The following INTS1 variants were observed in gnomAD, a reference collection of about 807,000 sequenced individuals.
INTS1 encodes the protein integrator complex subunit 1.
INTS1 carries 137 observed loss-of-function variants against 241.6 expected under a neutral mutation model. The observed-to-expected ratio is 0.57, with a 90% CI of 0.49 to 0.65. INTS1 has a LOEUF of 0.65. Ranked by LOEUF, INTS1 falls within the 30% of genes least tolerant of loss-of-function variation. The pLI, the probability that INTS1 is intolerant of heterozygous loss-of-function variation, is 0.00. For missense variants in INTS1, 3,073 were observed against 3,032.2 expected, an observed-to-expected ratio of 1.01 and a Z score of -0.32; for synonymous variants, 1,692 against 1,337.8, an observed-to-expected ratio of 1.26 and a Z score of -5.78.
intron 35 of INTS1, 63 bp from the exon 36 acceptor site, chr7:1,476,981 C>T (rs1216924684): frequency 1.3e-6 from 2 of 1,543,238 alleles, no homozygotes; most frequent in Non-Finnish European, 1.7e-6. Context: ...CTGCTGAAGT[C>T]AGCTGACAGC....
At position 1,493,505 on chromosome 7, in the gene INTS1, T is replaced by G. The variant is rs186598479; in HGVS notation, c.2068+249A>C. Among the ~76,000 whole-genome samples, 1 of 151,614 alleles carries G rather than the reference T, an allele frequency of 6.6e-6. No homozygotes were observed. The highest frequency in any genetic ancestry group is 2.1e-4 in the South Asian group (1 of 4,788). On this transcript the variant is annotated intron_variant, in intron 15 of 47. Coordinates refer to ENST00000404767, the MANE Select transcript of INTS1 (RefSeq NM_001080453.3). This position sits in a 1 kb window ranked among gnomAD's most constrained non-coding sequence, Gnocchi z 5.3. ...GGCCGTGGCCAAATCACACCGAGAATGCCAATTCCAAAAAATGTGCAAATT... is the reference window on the plus strand; with the variant it reads ...GGCCGTGGCCAAATCACACCGAGAAGGCCAATTCCAAAAAATGTGCAAATT...
Position 1,470,320 on chromosome 7 carries a change from C to T in INTS1, c.*257G>A, listed in dbSNP as rs1045852710. The T allele has an allele frequency of 3.6e-5, 17 of 469,888 alleles. No homozygotes were observed. The Middle Eastern group carries it at 2.2e-3, about 60-fold the overall frequency. The allele number at this position is 469,888 out of a possible 1,614,324, so 29.1% of individuals were successfully genotyped here. A position where few individuals can be genotyped will look rare whatever the true frequency, so the allele number is the denominator to read the frequency against. On this transcript the variant is annotated 3_prime_UTR_variant, in exon 48 of 48. Coordinates refer to ENST00000404767, the MANE Select transcript of INTS1 (RefSeq NM_001080453.3). ...ATTCAAAACCAGCCCAGGCCATGCC[C>T]GGGGGGATCCGCCGCTCCGCGGCAG...
intron 31 of INTS1, 24 bp downstream of exon 31, chr7:1,479,406 C>T (rs547066674): frequency 1.7e-5 from 27 of 1,556,056 alleles, no homozygotes; most frequent in South Asian, 3.6e-5. Flanking sequence ...CCTCCTCCCC[C>T]GCAAGAGGCC....
At position 1,496,222 on chromosome 7, in the gene INTS1, T is replaced by A. The variant is rs1030646527; in HGVS notation, c.1645A>T (p.Met549Leu). ...VHITDVLAVS[M>L]MLGITAQVKE... is the part of the protein sequence containing the mutation. ...ACCTGCGCTGTGATGCCCAGCATCA[T>A]GGACACGGCCAGGACGTCGGTGATG... Residue 549 changes from methionine (M) to leucine (L), a missense_variant, in exon 12 of 48, where the codon ATG becomes TTG. Transcript: ENST00000404767. 1.2e-6 allele frequency: 2 copies of A among 1,613,866 alleles called. No individual in the cohort carries two copies.
At position 1,497,174 on chromosome 7, in the gene INTS1, C is replaced by G. The variant is rs1295920274; in HGVS notation, c.1566G>C (p.Glu522Asp). ...FQAFCLGLMQERKEPQYLEME... is the reference protein window; with the variant it reads ...FQAFCLGLMQDRKEPQYLEME... ...TCTCCAGGTACTGCGGCTCCTTGCG[C>G]TCCTGCATGAGCCCCAGGCAGAAGG... The change falls in exon 11 of 48, where the codon GAG (glutamate) becomes GAC (aspartate). Residue 522 changes from glutamate (E) to aspartate (D), a missense_variant. By Grantham distance (45) the Glu-to-Asp change is conservative. Transcript: ENST00000404767. The surrounding 1 kb of genome is among the most constrained non-coding windows in gnomAD (Gnocchi z 5.3). 3 of 1,610,380 alleles carry G rather than the reference C, an allele frequency of 1.9e-6. No homozygotes were observed. The African/African-American group carries it at 4.0e-5, about 22-fold the overall frequency.
Position 1,483,989 on chromosome 7 carries a change from C to T in INTS1, c.3429+14G>A. On this transcript the variant is annotated intron_variant, in intron 25 of 47. Coordinates refer to ENST00000404767, the MANE Select transcript of INTS1 (RefSeq NM_001080453.3). Reference sequence around the variant, plus strand: ...TCCTCGCCCTCACCCGGCCGTAGACCTCCTCGCCCTCACCCAGCTGTAGAC... The same window carrying T: ...TCCTCGCCCTCACCCGGCCGTAGACTTCCTCGCCCTCACCCAGCTGTAGAC... 1 of 1,602,048 alleles carries T rather than the reference C, an allele frequency of 6.2e-7. No individual in the cohort carries two copies. The highest frequency in any genetic ancestry group is 8.5e-7 in the Non-Finnish European group (1 of 1,173,232).
intron 25 of INTS1, 67 bp from the exon 26 acceptor site, chr7:1,483,920 A>T: frequency 6.3e-7 from 1 of 1,586,504 alleles, no homozygotes; most frequent in South Asian, 1.1e-5. Flanking sequence ...GAGGGTACCC[A>T]GCTGGCACCG....
chr7:1,499,998 C>T lies in INTS1; in HGVS notation c.570G>A (p.Arg190=). The part of the protein sequence containing the change: ...VIEALCSLLR[R]DASINFKAKG... The stretch of plus-strand genomic sequence containing the variant: ...TGGCCTTGAAGTTGATGGAGGCGTC[C>T]CGCCGCAGGAGGCTACACAGAGCCT... Residue 190 remains arginine (R), a synonymous_variant, in exon 5 of 48, where the codon CGG becomes CGA. Transcript: ENST00000404767. 1 of 1,613,492 alleles carries T rather than the reference C, an allele frequency of 6.2e-7. No homozygotes were observed.
chr7:1,481,144 T>A lies in INTS1; in HGVS notation c.3850+198A>T. The stretch of plus-strand genomic sequence containing the variant: ...CCTAGGGGGTGCCTGGCCCCAGGGT[T>A]GGGGCAGGCCCAGGCCTCGGCTCCC... On this transcript the variant is annotated intron_variant, in intron 28 of 47. Transcript: ENST00000404767. This position sits in a 1 kb window ranked among gnomAD's most constrained non-coding sequence, Gnocchi z 6.8. 1 of 744,220 alleles carries A rather than the reference T, an allele frequency of 1.3e-6. No homozygotes were observed. The highest frequency in any genetic ancestry group is 2.3e-6 in the Non-Finnish European group (1 of 438,432). The allele number at this position is 744,220 out of a possible 1,614,324, so 46.1% of individuals were successfully genotyped here.
intron 35 of INTS1, 133 bp from the exon 36 acceptor site, chr7:1,477,051 G>A (rs568799641): frequency 1.6e-4 from 187 of 1,151,726 alleles, no homozygotes; most frequent in African/African-American, 1.5e-3. Flanking sequence ...CACCGGCCCC[G>A]TCATGGTGCT....
Position 1,470,643 on chromosome 7 carries a change from G to A in INTS1, c.6507C>T (p.Gly2169=). 1 of 1,586,420 alleles carries A rather than the reference G, an allele frequency of 6.3e-7. No individual in the cohort carries two copies. The change falls in exon 48 of 48, where the codon GGC becomes GGT. Residue 2169 remains glycine, a synonymous_variant. Coordinates refer to ENST00000404767, the MANE Select transcript of INTS1 (RefSeq NM_001080453.3). The part of the protein sequence containing the change: ...LHRAFLVGMY[G]QMDPSAQISE... ...AGATCTGCGCGCTGGGGTCCATCTG[G>A]CCGTACATGCCCACCAGGAAGGCCC...
At chr7:1,473,443 C>A in intron 42 of INTS1, 123 bp downstream of exon 42, 3 of 1,265,874 alleles carry the variant, frequency 2.4e-6, no homozygotes, top group Non-Finnish European at 3.3e-6. Context: ...CCACGCTCAG[C>A]AGCCCTCCCC....
intron 11 of INTS1, among the ~76,000 whole-genome samples, chr7:1,496,767 C>T (rs1206381686): frequency 1.3e-5 from 2 of 152,166 alleles, no homozygotes; most frequent in African/African-American, 4.8e-5. Flanking sequence ...CTGTGATCCA[C>T]CCTCACTGTG....
In INTS1 at chr7:1,486,641, C is replaced by T. The variant is rs764594408; in HGVS notation, c.2960G>A (p.Arg987His). ...CCACCTCACCTTCATGGCCAGCACG[C>T]GGGAGGCCACCTGGGAGGAGCCGAG... ...RRLGSSQVAS[R>H]VLAMKGLSLV... The change falls in exon 22 of 48, where the codon CGC becomes CAC. Residue 987 changes from arginine (R) to histidine (H), a missense_variant. Physicochemically the swap from Arg to His is conservative, Grantham distance 29 (BLOSUM62 0). Coordinates refer to ENST00000404767, the MANE Select transcript of INTS1 (RefSeq NM_001080453.3). 5.0e-6 allele frequency: 8 copies of T among 1,611,612 alleles called. No individual in the cohort carries two copies. Among genetic ancestry groups the T allele is most frequent in the East Asian group, 2.2e-5 (1 of 44,852 alleles).
Position 1,470,557 on chromosome 7 carries a change from G to A in INTS1, c.*20C>T, listed in dbSNP as rs756205881. 4.6e-6 allele frequency: 7 copies of A among 1,518,910 alleles called. No homozygotes were observed. The African/African-American group carries it at 6.9e-5, about 15-fold the overall frequency. The allele number at this position is 1,518,910 out of a possible 1,614,324, so 94.1% of individuals were successfully genotyped here. On this transcript the variant is annotated 3_prime_UTR_variant, in exon 48 of 48. Coordinates refer to ENST00000404767, the MANE Select transcript of INTS1 (RefSeq NM_001080453.3). ...GGACGGGACGGGCCGGGGCTTGGAGGGGGGTCGGCTGCCACAGGCTCACAT... is the reference window on the plus strand; with the variant it reads ...GGACGGGACGGGCCGGGGCTTGGAGAGGGGTCGGCTGCCACAGGCTCACAT...
chr7:1,503,007 GGA>G lies in INTS1; in HGVS notation c.241_242del (p.Ser81LeufsTer13). On this transcript the variant is annotated frameshift_variant, in exon 3 of 48. Transcript: ENST00000404767. LOFTEE classifies it high-confidence loss of function. ...CCAGGGCACTCAGAGGGGGTGTGGA[GGA>G]GAGTTTGGGGCGTTTGGTGAGACCG... ...LTGLTKRPKL[S>X]STPPLSALGR... 1 of 1,613,846 alleles carries G rather than the reference GGA, an allele frequency of 6.2e-7. No homozygotes were observed. The highest frequency in any genetic ancestry group is 8.5e-7 in the Non-Finnish European group (1 of 1,179,890).
chr7:1,498,611 TGTGCCCCCACTCCGCCC>T lies in INTS1; in HGVS notation c.1284-75_1284-59del. 3 of 1,588,804 alleles carry T rather than the reference TGTGCCCCCACTCCGCCC, an allele frequency of 1.9e-6. No homozygotes were observed. The African/African-American group carries it at 4.4e-5, about 23-fold the overall frequency. On this transcript the variant is annotated intron_variant, in intron 9 of 47. Transcript: ENST00000404767. The stretch of plus-strand genomic sequence containing the variant: ...GCTACGCCTGTGCCCCCACTCCGCC[TGTGCCCCCACTCCGCCC>T]GCACCCCCGCTCCGCCCACACCCCC...
chr7:1,480,862 G>A lies in INTS1; in HGVS notation c.3922C>T (p.Leu1308Phe). 7 of 1,554,680 alleles carry A rather than the reference G, an allele frequency of 4.5e-6. No individual in the cohort carries two copies. The highest frequency in any genetic ancestry group is 6.1e-6 in the Non-Finnish European group (7 of 1,149,994). ...CGGCGGGGCGGCAGGGAGGCTGTGA[G>A]CAAGGAGTGGAAAGTCTGGCCTCCG... ...ASGGQTFHSL[L>F]TASLPPRRDS... Residue 1308 changes from leucine (L) to phenylalanine (F), a missense_variant, in exon 29 of 48, where the codon CTC (leucine) becomes TTC (phenylalanine). Physicochemically the swap from Leu to Phe is conservative, Grantham distance 22. Transcript: ENST00000404767.
In INTS1 at chr7:1,481,617, G is replaced by C. The variant is rs570364873; in HGVS notation, c.3704-129C>G. The C allele has an allele frequency of 1.2e-6, 1 of 814,778 alleles. No homozygotes were observed. The highest frequency in any genetic ancestry group is 1.7e-6 in the Non-Finnish European group (1 of 591,818). 50.5% of individuals were successfully genotyped at this position (814,778 alleles called of 1,614,324 possible). A position where few individuals can be genotyped will look rare whatever the true frequency, so the allele number is the denominator to read the frequency against. ...CTGAGACCCTGGGCCACGTGGGCTC[G>C]GTGACCCCACCCAAGACCTGGGGCA... On this transcript the variant is annotated intron_variant, in intron 27 of 47. Transcript: ENST00000404767. This position sits in a 1 kb window ranked among gnomAD's most constrained non-coding sequence, Gnocchi z 6.8.
Sources: allele counts gnomAD v4.1 joint callset (sites outside exome capture counted in the v4.1 genomes callset), GRCh38; gene constraint gnomAD v4.1.1; non-coding constraint Gnocchi (gnomAD v3.1); transcripts MANE v1.5; gene names NCBI Gene and HGNC (gene_info 2026-07-23, HGNC 2026-07-21).